DAB1: variants seen among roughly 807,000 people sequenced by gnomAD.
The protein encoded by DAB1 is disabled homolog 1.
In DAB1, 15 loss-of-function variants were observed where a neutral mutation model predicts 64.6. The ratio of observed to expected loss-of-function variants is 0.23; its 90% CI spans 0.16 to 0.36. The LOEUF (loss-of-function observed/expected upper bound fraction) is 0.36, where lower values mean the gene tolerates loss of function less well. Among genes scored for constraint, DAB1 ranks in the 10% least tolerant of loss-of-function variants. The probability of loss-of-function intolerance (pLI) is 1.00; values close to 1 mark genes in which losing one functional copy is unlikely to be tolerated. For missense variants in DAB1, 596 were observed against 706.7 expected (o/e 0.84, Z 1.78); for synonymous variants, 235 against 251.9 (o/e 0.93, Z 0.64).
At chr1:57,881,863 T>A (rs967981863) in intron 1 of DAB1, among the ~76,000 whole-genome samples, 6 of 152,176 alleles carry the variant, frequency 3.9e-5, no homozygotes, top group Admixed American at 2.0e-4. Flanking sequence ...AACATTTAAT[T>A]TGTTCTATAA....
At chr1:57,922,869 G>A (rs79139518) in intron 5 of DAB1, among the ~76,000 whole-genome samples, 592 of 97,694 alleles carry the variant, frequency 6.1e-3, no homozygotes, top group African/African-American at 9.3e-3. Context: ...AAAAAAAAAA[G>A]ATTTGAAAAG....
At chr1:58,363,667 A>G (rs1023665153) in intron 3 of DAB1, among the ~76,000 whole-genome samples, 2 of 152,228 alleles carry the variant, frequency 1.3e-5, no homozygotes, top group African/African-American at 2.4e-5. Context: ...AACTGTGTCC[A>G]TGCATAATTA....
chr1:57,990,433 C>A (rs1464972109), intron 5 of DAB1, among the ~76,000 whole-genome samples: 1 of 152,204 alleles, frequency 6.6e-6, no homozygotes, highest in Non-Finnish European at 1.5e-5. Flanking sequence ...TTTGTTAGTT[C>A]CCTTCCCAAT....
chr1:58,236,100 C>A (rs964084742), intron 4 of DAB1, among the ~76,000 whole-genome samples: 1 of 143,302 alleles, frequency 7.0e-6, no homozygotes, highest in African/African-American at 2.6e-5. Context: ...CAGCCCTGCC[C>A]GCCCCCCCGC....
intron 6 of DAB1, among the ~76,000 whole-genome samples, chr1:57,813,848 T>C (rs1202481219): frequency 6.6e-6 from 1 of 152,200 alleles, no homozygotes; most frequent in African/African-American, 2.4e-5. Context: ...AGGTAGCAGA[T>C]GTCAAACTCA....
At chr1:57,572,743 G>A (rs1467397559) in intron 7 of DAB1, among the ~76,000 whole-genome samples, 1 of 152,196 alleles carries the variant, frequency 6.6e-6, no homozygotes, top group Non-Finnish European at 1.5e-5. Context: ...TCATGGTTCT[G>A]CAGGCATTAC....
chr1:58,229,420 G>A (rs1286939402), intron 4 of DAB1, among the ~76,000 whole-genome samples: 2 of 152,158 alleles, frequency 1.3e-5, no homozygotes, highest in Admixed American at 6.5e-5. Context: ...GCAAGCATTT[G>A]GAGACTGCAT....
At chr1:58,494,075 G>A (rs905641827) in intron 3 of DAB1, among the ~76,000 whole-genome samples, 1 of 152,082 alleles carries the variant, frequency 6.6e-6, no homozygotes, top group South Asian at 2.1e-4. Context: ...CAGAGATATA[G>A]ACCATTGGAA....
chr1:57,283,208 T>C (rs1361615995), intron 2 of DAB1, among the ~76,000 whole-genome samples: 1 of 152,246 alleles, frequency 6.6e-6, no homozygotes, highest in African/African-American at 2.4e-5. Context: ...GCATACATGA[T>C]GGCTATTAGT....
intron 2 of DAB1, among the ~76,000 whole-genome samples, chr1:57,260,109 G>T (rs1310141831): frequency 6.6e-6 from 1 of 152,158 alleles, no homozygotes; most frequent in African/African-American, 2.4e-5. Flanking sequence ...TGCCCCGCTA[G>T]TGTAGAGATT....
At chr1:58,334,608 T>C (rs199523029) in intron 4 of DAB1, among the ~76,000 whole-genome samples, 1 of 55,046 alleles carries the variant, frequency 1.8e-5, no homozygotes, top group African/African-American at 1.1e-4. Flanking sequence ...TATTACATTA[T>C]ATTATATTAT....
chr1:57,194,013 G>A (rs757946460), intron 2 of DAB1, among the ~76,000 whole-genome samples: 1 of 152,244 alleles, frequency 6.6e-6, no homozygotes, highest in Non-Finnish European at 1.5e-5. Flanking sequence ...TTATGGGGCA[G>A]TGCTGGGCAC....
In DAB1 at chr1:57,584,209, G is replaced by A. The variant is rs116756538; in HGVS notation, n.625+65383C>T. Among the ~76,000 whole-genome samples the A allele has an allele frequency of 5.9e-3, 898 of 152,250 alleles. 9 individuals carry two copies. Among genetic ancestry groups the A allele is most frequent in the African/African-American group, 0.02 (837 of 41,554 alleles). On this transcript the variant is annotated intron_variant and non_coding_transcript_variant, in intron 7 of 20. Transcript: ENST00000485760. ...TCCAGCCATTCTGTACCTCACTTAC[G>A]ATTTCTATATATCATTTCCCTTTTT...
intron 2 of DAB1, among the ~76,000 whole-genome samples, chr1:57,188,342 A>G (rs1663800006): frequency 1.3e-5 from 2 of 152,174 alleles, no homozygotes; most frequent in African/African-American, 4.8e-5. Context: ...TTGAGTCATC[A>G]TGACATGTGA....
At chr1:57,959,059 A>AAGT (rs1042703971) in intron 5 of DAB1, among the ~76,000 whole-genome samples, 1 of 152,210 alleles carries the variant, frequency 6.6e-6, no homozygotes, top group African/African-American at 2.4e-5. Flanking sequence ...GGCTCCTGGC[A>AAGT]AGTAGCAGGC....
chr1:57,638,975 C>T (rs888485783), intron 7 of DAB1, among the ~76,000 whole-genome samples: 1 of 143,516 alleles, frequency 7.0e-6, no homozygotes, highest in Non-Finnish European at 1.5e-5. Flanking sequence ...TAAAGTTCTT[C>T]ATAAAGAACT....
chr1:57,587,935 C>T (rs551912764), intron 7 of DAB1, among the ~76,000 whole-genome samples: 1 of 152,166 alleles, frequency 6.6e-6, no homozygotes, highest in Non-Finnish European at 1.5e-5. Context: ...GTTTTTGGAC[C>T]TACACTTTCA....
chr1:57,159,548 A>G (rs1660542779), intron 2 of DAB1, among the ~76,000 whole-genome samples: 4 of 152,232 alleles, frequency 2.6e-5, no homozygotes, highest in Admixed American at 1.3e-4. Flanking sequence ...TACAACAAGA[A>G]CAGTCATTGG....
chr1:57,487,417 T>C lies in DAB1; in HGVS notation n.625+162175A>G, dbSNP rs576092874. On this transcript the variant is annotated intron_variant and non_coding_transcript_variant, in intron 7 of 20. Coordinates refer to the DAB1 transcript ENST00000485760. ...CTGGTGGGGGCCAGGGCAACCACTG[T>C]AGATCCTTCACCACGTGTGGCCCTG... 3.3e-5 allele frequency among the ~76,000 whole-genome samples: 5 copies of C among 152,310 alleles called. No individual in the cohort carries two copies. The South Asian group carries it at 8.3e-4, about 25-fold the overall frequency.
Sources: allele counts gnomAD v4.1 joint callset (sites outside exome capture counted in the v4.1 genomes callset), GRCh38; gene constraint gnomAD v4.1.1; transcripts MANE v1.5; gene names NCBI Gene and HGNC (gene_info 2026-07-23, HGNC 2026-07-21).